TRIO: variants seen among roughly 807,000 people sequenced by gnomAD.
The protein encoded by TRIO is triple functional domain protein.
In TRIO, 58 loss-of-function variants were observed where a neutral mutation model predicts 351.9. The observed-to-expected ratio is 0.16, with a 90% CI of 0.13 to 0.21. The LOEUF (loss-of-function observed/expected upper bound fraction) is 0.21. TRIO is among the 10% of genes least tolerant of loss of function. The pLI is 1.00. For synonymous variants in TRIO, 1,758 were observed against 1,595.7 expected (o/e 1.10, Z -2.42); for missense variants, 3,201 against 4,027.8 (o/e 0.79, Z 5.56).
intron 48 of TRIO, chr5:14,489,262 T>C: frequency 4.2e-6 from 2 of 474,534 alleles, no homozygotes; most frequent in Non-Finnish European, 3.7e-6. Context: ...CTACTATTTT[T>C]TGTTATGTAT....
intron 33 of TRIO, among the ~76,000 whole-genome samples, chr5:14,413,689 C>T (rs1299545943): frequency 6.6e-6 from 1 of 152,140 alleles, no homozygotes; most frequent in Non-Finnish European, 1.5e-5. Flanking sequence ...ACAAAATCCC[C>T]CAGGCAGAAG....
At position 14,509,491 on chromosome 5, in the gene TRIO, A is replaced by G. The variant is rs1757950318; in HGVS notation, c.*1069A>G. On this transcript the variant is annotated 3_prime_UTR_variant, in exon 57 of 57. Transcript: ENST00000344204. ...TTTTGAGGACTGTAAAAGTGATTTC[A>G]TACTCTGAATATAAAACTGGATAAT... 2 of 447,608 alleles carry G rather than the reference A, an allele frequency of 4.5e-6. No homozygotes were observed. The highest frequency in any genetic ancestry group is 3.2e-5 in the South Asian group (2 of 62,354). The allele number at this position is 447,608 out of a possible 1,614,324, so 27.7% of individuals were successfully genotyped here. A position where few individuals can be genotyped will look rare whatever the true frequency, so the allele number is the denominator to read the frequency against.
chr5:14,341,891 G>C (rs1741968227), intron 11 of TRIO, among the ~76,000 whole-genome samples: 1 of 152,214 alleles, frequency 6.6e-6, no homozygotes, highest in Admixed American at 6.5e-5. Flanking sequence ...CTTGGTTCTA[G>C]TTCTGCAAAC....
At position 14,497,416 on chromosome 5, in the gene TRIO, G is replaced by A. The variant is rs1225529753; in HGVS notation, c.8019+399G>A. ...TGTGGGGGTGCATATGGGCTCTCTG[G>A]CTGTGACAGATCCCCTTGGGGACAA... is the stretch of plus-strand genomic sequence containing the variant. On this transcript the variant is annotated intron_variant, in intron 50 of 56. Coordinates refer to ENST00000344204, the MANE Select transcript of TRIO (RefSeq NM_007118.4). The surrounding 1 kb of genome is among the most constrained non-coding windows in gnomAD (Gnocchi z 4.4). Among the ~76,000 whole-genome samples the A allele has an allele frequency of 6.6e-6, 1 of 152,186 alleles. No homozygotes were observed. Among genetic ancestry groups the A allele is most frequent in the East Asian group, 1.9e-4 (1 of 5,188 alleles).
At chr5:14,194,584 T>A (rs1790652411) in intron 1 of TRIO, among the ~76,000 whole-genome samples, 1 of 152,352 alleles carries the variant, frequency 6.6e-6, no homozygotes, top group Non-Finnish European at 1.5e-5. Context: ...GGTGGGATGT[T>A]ATTCCAGGAA....
chr5:14,481,488 A>G (rs1755511462), intron 44 of TRIO, 53 bp from the exon 45 acceptor site: 1 of 1,601,138 alleles, frequency 6.2e-7, no homozygotes, highest in Admixed American at 1.7e-5. Context: ...TGAGCACGTC[A>G]GATTTTCCCT....
At chr5:14,455,078 T>C (rs1377590222) in intron 34 of TRIO, among the ~76,000 whole-genome samples, 3 of 151,944 alleles carry the variant, frequency 2.0e-5, no homozygotes, top group African/African-American at 7.3e-5. Flanking sequence ...TCGCGGTGAG[T>C]GTTATAGCTC....
chr5:14,466,301 C>G (rs1160432056), intron 37 of TRIO: 1 of 152,352 alleles, frequency 6.6e-6, no homozygotes, highest in African/African-American at 2.4e-5. Context: ...GTGGTACCCA[C>G]AGTTAGACTC....
In TRIO at chr5:14,485,277, T is replaced by C. The variant is rs26098; in HGVS notation, c.6835+31T>C. ...GTGTGTTCTGTTACTAGATGTGTGC[T>C]TTCTTTCCTCGTGTACTCACTTGTA... is the stretch of plus-strand genomic sequence containing the variant. On this transcript the variant is annotated intron_variant, in intron 47 of 56. Transcript: ENST00000344204. The C allele has an allele frequency of 0.13, 198,933 of 1,546,296 alleles. 14,009 individuals are homozygous for C. Among genetic ancestry groups the C allele is most frequent in the Admixed American group, 0.23 (12,141 of 52,790 alleles).
chr5:14,463,028 C>T, intron 36 of TRIO, 103 bp downstream of exon 36: 1 of 1,389,512 alleles, frequency 7.2e-7, no homozygotes, highest in Non-Finnish European at 9.5e-7. Flanking sequence ...CAGGAGGCCC[C>T]AAGATGTGGA....
intron 48 of TRIO, chr5:14,488,870 C>T (rs1037872322): frequency 1.0e-4 from 76 of 726,326 alleles, no homozygotes; most frequent in South Asian, 4.2e-4. Context: ...CCTGGCGAGG[C>T]GGCTCTGCAG....
At chr5:14,223,211 T>C (rs973770059) in intron 1 of TRIO, among the ~76,000 whole-genome samples, 3 of 152,248 alleles carry the variant, frequency 2.0e-5, no homozygotes, top group Non-Finnish European at 2.9e-5. Context: ...TTTTAAATTC[T>C]ATGATTCTAT....
intron 34 of TRIO, among the ~76,000 whole-genome samples, chr5:14,443,328 C>CGT (rs1207626271): frequency 2.0e-5 from 3 of 151,958 alleles, no homozygotes; most frequent in Non-Finnish European, 4.4e-5. Context: ...CGTGCATATG[C>CGT]GTGTGTGTGT....
chr5:14,179,818 A>T (rs866774983), intron 1 of TRIO, among the ~76,000 whole-genome samples: 1 of 152,096 alleles, frequency 6.6e-6, no homozygotes, highest in Non-Finnish European at 1.5e-5. Context: ...CTGTCTGGGC[A>T]TGGTGGCTCA....
intron 1 of TRIO, among the ~76,000 whole-genome samples, chr5:14,167,158 G>C (rs532332194): frequency 1.1e-4 from 16 of 151,018 alleles, no homozygotes; most frequent in Non-Finnish European, 2.2e-4. Context: ...AGATCTAGTT[G>C]CCTCTGGTGT....
chr5:14,316,865 C>T, intron 9 of TRIO, 122 bp downstream of exon 9: 1 of 1,170,396 alleles, frequency 8.5e-7, no homozygotes, highest in Non-Finnish European at 1.2e-6. Flanking sequence ...AGGAGAGGAG[C>T]TTTTTTGTTG....
intron 39 of TRIO, among the ~76,000 whole-genome samples, chr5:14,473,283 A>G (rs1259084171): frequency 6.6e-6 from 1 of 152,202 alleles, no homozygotes; most frequent in Non-Finnish European, 1.5e-5. Context: ...ACTCATCAAA[A>G]AGCTATTTTT....
At chr5:14,320,472 A>T (rs1308750617) in intron 9 of TRIO, among the ~76,000 whole-genome samples, 2 of 152,168 alleles carry the variant, frequency 1.3e-5, no homozygotes, top group African/African-American at 4.8e-5. Context: ...GAAGCCCCTC[A>T]GCAGGGATGC....
At position 14,509,150 on chromosome 5, in the gene TRIO, A is replaced by G. The variant is rs1757921876; in HGVS notation, c.*728A>G. 1 of 241,242 alleles carries G rather than the reference A, an allele frequency of 4.1e-6. No individual in the cohort carries two copies. Among genetic ancestry groups the G allele is most frequent in the South Asian group, 3.8e-5 (1 of 26,366 alleles). The allele number at this position is 241,242 out of a possible 1,614,324, so 14.9% of individuals were successfully genotyped here. ...AAGACATCAGGTTGGGTCCTGCCCC[A>G]CTGCCCCTCCCCCTGTTCCTGCCCC... On this transcript the variant is annotated 3_prime_UTR_variant, in exon 57 of 57. Coordinates refer to ENST00000344204, the MANE Select transcript of TRIO (RefSeq NM_007118.4).
Sources: allele counts gnomAD v4.1 joint callset (sites outside exome capture counted in the v4.1 genomes callset), GRCh38; gene constraint gnomAD v4.1.1; non-coding constraint Gnocchi (gnomAD v3.1); transcripts MANE v1.5; gene names NCBI Gene and HGNC (gene_info 2026-07-23, HGNC 2026-07-21).